TRHR: variants seen among roughly 807,000 people sequenced by gnomAD.
TRHR encodes thyrotropin releasing hormone receptor.
Under a neutral mutation model 28.0 loss-of-function variants are expected in TRHR, and 14 were observed. The observed-to-expected ratio is 0.50, with a 90% confidence interval of 0.33 to 0.78. The LOEUF (loss-of-function observed/expected upper bound fraction) is 0.78. Among genes scored for constraint, TRHR ranks in the 30% least tolerant of loss-of-function variants. The pLI, the probability that TRHR is intolerant of heterozygous loss-of-function variation, is 0.02. For missense variants in TRHR, 438 were observed against 469.5 expected (o/e 0.93, Z 0.62); for synonymous variants, 176 against 171.9 (o/e 1.02, Z -0.18).
intron 2 of TRHR, among the ~76,000 whole-genome samples, chr8:109,091,928 C>T (rs1487495228): frequency 6.6e-6 from 1 of 152,130 alleles, no homozygotes; most frequent in East Asian, 1.9e-4. Context: ...CTACACAATG[C>T]CTCAAGAGTC....
intron 2 of TRHR, among the ~76,000 whole-genome samples, chr8:109,116,735 T>G (rs1811927853): frequency 6.6e-6 from 1 of 151,938 alleles, no homozygotes; most frequent in Non-Finnish European, 1.5e-5. Context: ...AATAATTCCT[T>G]CCATGCCTGA....
chr8:109,106,792 T>A (rs1004666147), intron 2 of TRHR, among the ~76,000 whole-genome samples: 1 of 152,198 alleles, frequency 6.6e-6, no homozygotes, highest in Non-Finnish European at 1.5e-5. Flanking sequence ...CATGAACTAT[T>A]TTTCTCATTT....
At chr8:109,116,511 T>G (rs534103445) in intron 2 of TRHR, among the ~76,000 whole-genome samples, 1 of 152,264 alleles carries the variant, frequency 6.6e-6, no homozygotes, top group African/African-American at 2.4e-5. Flanking sequence ...GGATTCAACT[T>G]CTTCCTGGTT....
intron 2 of TRHR, among the ~76,000 whole-genome samples, chr8:109,097,794 A>G (rs1310595868): frequency 1.3e-5 from 2 of 152,210 alleles, no homozygotes; most frequent in Admixed American, 6.5e-5. Context: ...CTATTGAGCA[A>G]TGCCAGAGAA....
intron 2 of TRHR, among the ~76,000 whole-genome samples, chr8:109,090,813 G>T (rs1438631365): frequency 6.6e-6 from 1 of 152,120 alleles, no homozygotes; most frequent in Non-Finnish European, 1.5e-5. Context: ...TTTGGAGAGG[G>T]GCCAAGAAGG....
At chr8:109,094,478 G>A (rs1368113457) in intron 2 of TRHR, among the ~76,000 whole-genome samples, 1 of 151,958 alleles carries the variant, frequency 6.6e-6, no homozygotes, top group Non-Finnish European at 1.5e-5. Flanking sequence ...ATACTTAATA[G>A]TGTAAATATC....
At chr8:109,109,597 C>G (rs960385378) in intron 2 of TRHR, among the ~76,000 whole-genome samples, 2 of 151,938 alleles carry the variant, frequency 1.3e-5, no homozygotes, top group African/African-American at 4.8e-5. Context: ...TAGTTTTTTC[C>G]ATTCTAGATT....
chr8:109,089,546 G>A (rs3134106), intron 2 of TRHR, among the ~76,000 whole-genome samples: 1 of 151,870 alleles, frequency 6.6e-6, no homozygotes, highest in Non-Finnish European at 1.5e-5. Flanking sequence ...CATTTTAAAT[G>A]GTGCTGTAAT....
chr8:109,092,917 C>T (rs3134113), intron 2 of TRHR, among the ~76,000 whole-genome samples: 91,528 of 151,396 alleles, frequency 0.6, 27,809 homozygotes, highest in South Asian at 0.73. Context: ...TTTGTTATAC[C>T]GCTTTTCTTA....
chr8:109,106,419 T>G (rs1180008996), intron 2 of TRHR, among the ~76,000 whole-genome samples: 1 of 152,156 alleles, frequency 6.6e-6, no homozygotes, highest in African/African-American at 2.4e-5. Flanking sequence ...TAATAGGAAA[T>G]AAACTTAGCA....
chr8:109,091,244 G>A (rs771990764), intron 2 of TRHR, among the ~76,000 whole-genome samples: 1 of 152,128 alleles, frequency 6.6e-6, no homozygotes, highest in Non-Finnish European at 1.5e-5. Context: ...GAAAGAAAGG[G>A]TGTGATGTGA....
At chr8:109,101,290 G>A (rs959209197) in intron 2 of TRHR, among the ~76,000 whole-genome samples, 3 of 152,176 alleles carry the variant, frequency 2.0e-5, no homozygotes, top group African/African-American at 2.4e-5. Flanking sequence ...TAGAGTTGGT[G>A]TGAGAAGATG....
rs1324938816 is a variant in TRHR, at chr8:109,121,421, A to G, written c.*1966A>G. On this transcript the variant is annotated 3_prime_UTR_variant, in exon 3 of 3. Coordinates refer to ENST00000518632, the MANE Select transcript of TRHR (RefSeq NM_003301.7). ...GACCTAATATCATTGAGCATCGACT[A>G]TGTCTCAGGTATGCTGGTAGGTAGT... Among the ~76,000 whole-genome samples the G allele has an allele frequency of 2.6e-5, 4 of 151,722 alleles. No individual in the cohort carries two copies. The highest frequency in any genetic ancestry group is 2.1e-4 in the South Asian group (1 of 4,824).
At chr8:109,113,549 C>T (rs963635359) in intron 2 of TRHR, among the ~76,000 whole-genome samples, 12 of 152,038 alleles carry the variant, frequency 7.9e-5, no homozygotes, top group Non-Finnish European at 1.2e-4. Flanking sequence ...GCAACAGAAA[C>T]GGGACTTTGG....
chr8:109,107,644 G>T (rs2129915934), intron 2 of TRHR, among the ~76,000 whole-genome samples: 1 of 152,194 alleles, frequency 6.6e-6, no homozygotes, highest in African/African-American at 2.4e-5. Context: ...TAGTGAAGAA[G>T]CAGATAAGTG....
chr8:109,087,353 C>T (rs1210730208), intron 1 of TRHR, 72 bp from the exon 2 acceptor site: 10 of 789,006 alleles, frequency 1.3e-5, no homozygotes, highest in African/African-American at 3.4e-5. Flanking sequence ...GTGGAAGTGA[C>T]GGTTATTTGT....
intron 2 of TRHR, among the ~76,000 whole-genome samples, chr8:109,106,008 A>G (rs1414040638): frequency 1.3e-5 from 2 of 152,170 alleles, no homozygotes; most frequent in Non-Finnish European, 2.9e-5. Flanking sequence ...TGAAAAGATA[A>G]ATTATAAATA....
intron 2 of TRHR, 67 bp downstream of exon 2, chr8:109,088,368 C>G: frequency 6.5e-7 from 1 of 1,545,534 alleles, no homozygotes; most frequent in South Asian, 1.1e-5. Context: ...AGATGGGAAA[C>G]AACTTTTCCC....
At chr8:109,113,608 A>G (rs1485843971) in intron 2 of TRHR, among the ~76,000 whole-genome samples, 1 of 152,110 alleles carries the variant, frequency 6.6e-6, no homozygotes, top group Admixed American at 6.6e-5. Flanking sequence ...CTAACTCCAT[A>G]TAAAAATTAT....
Sources: gnomAD v4.1 joint callset for allele counts (sites outside exome capture counted in the v4.1 genomes callset) on GRCh38, gnomAD v4.1.1 for gene constraint, MANE v1.5 for transcripts, NCBI Gene and HGNC (gene_info 2026-07-23, HGNC 2026-07-21) for gene names.